The following UQCRHL variants were observed in gnomAD, a reference collection of about 807,000 sequenced individuals.
The protein encoded by UQCRHL is cytochrome b-c1 complex subunit 6-like, mitochondrial.
In UQCRHL, 1 loss-of-function variant was observed where a neutral mutation model predicts 2.2. The ratio of observed to expected loss-of-function variants is 0.46; its 90% CI spans 0.16 to 2.18. The LOEUF is 2.18. UQCRHL is among the 30% of genes most tolerant of loss of function. The pLI is 0.27. For missense variants in UQCRHL, 114 were observed against 108.6 expected (o/e 1.05, Z -0.22); for synonymous variants, 46 against 44.6 (o/e 1.03, Z -0.13).
exon 1 of UQCRHL, chr1:15,807,427 A>G (rs996106051): frequency 1.2e-5 from 20 of 1,614,068 alleles, no homozygotes; most frequent in Non-Finnish European, 1.4e-5. Context: ...TTTGCATGCA[A>G]GAAGTCAAAG....
rs372433103 is a variant in UQCRHL, at chr1:15,807,496, G to A, written c.154C>T (p.Leu52Phe). 2.4e-5 allele frequency: 38 copies of A among 1,614,144 alleles called. No homozygotes were observed. The African/African-American group carries it at 3.6e-4, about 15-fold the overall frequency. Residue 52 changes from leucine to phenylalanine, a missense_variant, in exon 1 of 1, where the codon CTC becomes TTC. Transcript: ENST00000483273. Reference sequence around the variant, plus strand: ...CGAGAGGATACATGCTCATCATAGAGCTCTAGCCGCTCCCGGGCCTTTACA... The same window carrying A: ...CGAGAGGATACATGCTCATCATAGAACTCTAGCCGCTCCCGGGCCTTTACA...
chr1:15,807,482 A>T, exon 1 of UQCRHL: 1 of 1,614,158 alleles, frequency 6.2e-7, no homozygotes, highest in Non-Finnish European at 8.5e-7. Context: ...GAGAGGATAC[A>T]TGCTCATCAT....
chr1:15,807,452 A>G, exon 1 of UQCRHL: 1 of 1,614,148 alleles, frequency 6.2e-7, no homozygotes, highest in South Asian at 1.1e-5. Flanking sequence ...CCTCCGTGCA[A>G]TCCTCTTCTG....
chr1:15,807,585 T>C (rs1049258), exon 1 of UQCRHL: 4 of 1,614,144 alleles, frequency 2.5e-6, no homozygotes, highest in Admixed American at 1.7e-5. Context: ...TTCCTCCTCT[T>C]CCTCTTCCTC....
chr1:15,807,589 C>G (rs766652412), exon 1 of UQCRHL: 1 of 1,614,208 alleles, frequency 6.2e-7, no homozygotes, highest in Non-Finnish European at 8.5e-7. Context: ...TCCTCTTCCT[C>G]TTCCTCCTCC....
rs7417535 is a variant in UQCRHL, at chr1:15,807,492, T to C, written c.158A>G (p.Tyr53Cys). Residue 53 changes from tyrosine (Y) to cysteine (C), a missense_variant, in exon 1 of 1, where the codon TAT becomes TGT. Transcript: ENST00000483273. ...TGATCGAGAGGATACATGCTCATCA[T>C]AGAGCTCTAGCCGCTCCCGGGCCTT... is the stretch of plus-strand genomic sequence containing the variant. 0.12 allele frequency: 200,403 copies of C among 1,613,884 alleles called. 15,100 individuals are homozygous for C. The highest frequency in any genetic ancestry group is 0.34 in the African/African-American group (25,499 of 74,914).
At chr1:15,807,623 C>T in exon 1 of UQCRHL, 1 of 1,614,178 alleles carries the variant, frequency 6.2e-7, no homozygotes, top group Non-Finnish European at 8.5e-7. Flanking sequence ...ATTCGGTAAG[C>T]ATCTTTTGCT....
chr1:15,807,449 GCAATC>G, the UQCRHL span: 1 of 1,614,170 alleles, frequency 6.2e-7, no homozygotes, highest in Non-Finnish European at 8.5e-7. Context: ...GCTCCTCCGT[GCAATC>G]CTCTTCTGTA....
chr1:15,807,446 C>A (rs377704846), exon 1 of UQCRHL: 1 of 1,614,178 alleles, frequency 6.2e-7, no homozygotes, highest in South Asian at 1.1e-5. Flanking sequence ...AGAGCTCCTC[C>A]GTGCAATCCT....
Position 15,807,558 on chromosome 1 carries a change from G to T in UQCRHL, c.92C>A (p.Thr31Lys). 2.5e-6 allele frequency: 4 copies of T among 1,614,112 alleles called. No individual in the cohort carries two copies. The South Asian group carries it at 4.4e-5, about 18-fold the overall frequency. Reference sequence around the variant, plus strand: ...CTGCTCGCATTGCTCTCTCACTGTTGTTAGGGGATCCACTAATTCCTCCTC... The same window carrying T: ...CTGCTCGCATTGCTCTCTCACTGTTTTTAGGGGATCCACTAATTCCTCCTC... The change falls in exon 1 of 1, where the codon ACA (threonine) becomes AAA (lysine). Residue 31 changes from threonine (T) to lysine (K), a missense_variant. Transcript: ENST00000483273.
chr1:15,807,639 T>A (rs775097379), exon 1 of UQCRHL: 2 of 1,614,174 alleles, frequency 1.2e-6, no homozygotes, highest in Non-Finnish European at 1.7e-6. Context: ...TTGCTCGTCC[T>A]CCAGTCCCAT....
chr1:15,807,503 C>A (rs2148682930), exon 1 of UQCRHL: 1 of 1,614,138 alleles, frequency 6.2e-7, no homozygotes, highest in East Asian at 2.2e-5. Context: ...AGAGCTCTAG[C>A]CGCTCCCGGG....
exon 1 of UQCRHL, chr1:15,807,398 G>T (rs749238377): frequency 6.2e-7 from 1 of 1,614,124 alleles, no homozygotes; most frequent in Non-Finnish European, 8.5e-7. Flanking sequence ...TAAAGAGTTT[G>T]TGGGCCACGC....
exon 1 of UQCRHL, chr1:15,807,479 T>A: frequency 6.2e-7 from 1 of 1,614,146 alleles, no homozygotes; most frequent in Middle Eastern, 1.6e-4. Context: ...ATCGAGAGGA[T>A]ACATGCTCAT....
chr1:15,807,522 C>T, exon 1 of UQCRHL: 2 of 1,614,158 alleles, frequency 1.2e-6, no homozygotes, highest in Non-Finnish European at 8.5e-7. Context: ...GGCCTTTACA[C>T]ATTTCTCCAA....
rs377310211 is a variant in UQCRHL, at chr1:15,807,617, G to C, written c.33C>G (p.Thr11=). 143 of 1,614,098 alleles carry C rather than the reference G, an allele frequency of 8.9e-5. 3 individuals carry two copies. In the South Asian group the frequency reaches 1.5e-3, roughly 17 times the overall value. Reference sequence around the variant, plus strand: ...CCTCCTCCTCAGGATCTCCGGATTCGGTAAGCATCTTTTGCTCGTCCTCCA... The same window carrying C: ...CCTCCTCCTCAGGATCTCCGGATTCCGTAAGCATCTTTTGCTCGTCCTCCA... The change falls in exon 1 of 1, where the codon ACC becomes ACG. Residue 11 remains threonine, a synonymous_variant. Coordinates refer to ENST00000483273, the Ensembl canonical transcript of UQCRHL.
At chr1:15,807,582 T>A (rs750848143) in exon 1 of UQCRHL, 5 of 1,613,934 alleles carry the variant, frequency 3.1e-6, no homozygotes, top group Non-Finnish European at 4.2e-6. Flanking sequence ...TAATTCCTCC[T>A]CTTCCTCTTC....
chr1:15,807,562 G>A (rs2069939793), exon 1 of UQCRHL: 8 of 1,614,118 alleles, frequency 5.0e-6, no homozygotes, highest in Middle Eastern at 1.7e-4. Context: ...ACTGTTGTTA[G>A]GGGATCCACT....
chr1:15,807,564 G>A (rs769275389), exon 1 of UQCRHL: 9 of 1,613,952 alleles, frequency 5.6e-6, no homozygotes, highest in Admixed American at 1.7e-5. Context: ...TGTTGTTAGG[G>A]GATCCACTAA....
Sources: allele counts gnomAD v4.1 joint callset, GRCh38; gene constraint gnomAD v4.1.1; transcripts MANE v1.5; gene names NCBI Gene and HGNC (gene_info 2026-07-23, HGNC 2026-07-21).